The following KCNIP4 variants were observed in gnomAD, a reference collection of about 807,000 sequenced individuals.
KCNIP4 encodes potassium voltage-gated channel interacting protein 4.
KCNIP4 carries 12 observed loss-of-function variants against 34.0 expected under a neutral mutation model. The ratio of observed to expected loss-of-function variants is 0.35; its 90% confidence interval spans 0.23 to 0.57. KCNIP4 has a LOEUF of 0.57. Among genes scored for constraint, KCNIP4 ranks in the 20% least tolerant of loss-of-function variants. KCNIP4 has a pLI of 0.83. For missense variants in KCNIP4, 238 were observed against 311.7 expected, an observed-to-expected ratio of 0.76 and a Z score of 1.78; for synonymous variants, 124 against 102.2, an observed-to-expected ratio of 1.21 and a Z score of -1.29.
chr4:20,967,915 C>T (rs981642999), intron 1 of KCNIP4, among the ~76,000 whole-genome samples: 4 of 152,092 alleles, frequency 2.6e-5, no homozygotes, highest in African/African-American at 7.2e-5. Context: ...GCAACAAAAG[C>T]CACAATAGAC....
Position 21,178,815 on chromosome 4 carries a change from CTTTTT to C in KCNIP4, c.62-296111_62-296107del, listed in dbSNP as rs10611485. On this transcript the variant is annotated intron_variant, in intron 1 of 8. Coordinates refer to ENST00000382152, the MANE Select transcript of KCNIP4 (RefSeq NM_025221.6). ...TAGTTTTCTGTCTTCTAACACCAAACTTTTTTTTTTTTTTTTTTTGTTTTGAGTGT... is the reference window on the plus strand; with the variant it reads ...TAGTTTTCTGTCTTCTAACACCAAACTTTTTTTTTTTTTTGTTTTGAGTGT... Among the ~76,000 whole-genome samples the C allele has an allele frequency of 6.2e-3, 845 of 136,788 alleles. 11 individuals are homozygous for C. The highest frequency in any genetic ancestry group is 0.022 in the African/African-American group (801 of 36,784). 89.7% of individuals were successfully genotyped at this position (136,788 alleles called of 152,430 possible).
At chr4:20,865,380 A>G (rs1032632878) in intron 2 of KCNIP4, among the ~76,000 whole-genome samples, 11 of 152,124 alleles carry the variant, frequency 7.2e-5, no homozygotes, top group Admixed American at 7.2e-4. Flanking sequence ...ACTTTATTTT[A>G]GAAGGTAACA....
At position 21,553,230 on chromosome 4, in the gene KCNIP4, G is replaced by C. The variant is rs1227238404; in HGVS notation, c.61+395341C>G. ...TGTTTATTGCAGAAAGATCAGAAAC[G>C]TTCAAGTGAACCATAGCAAACTTCA... On this transcript the variant is annotated intron_variant, in intron 1 of 8. Transcript: ENST00000382152. Among the ~76,000 whole-genome samples the C allele has an allele frequency of 1.1e-4, 17 of 152,092 alleles. 1 individual carries two copies. Among genetic ancestry groups the C allele is most frequent in the Non-Finnish European group, 1.5e-5 (1 of 68,012 alleles).
chr4:21,109,868 G>C (rs1378573832), intron 1 of KCNIP4, among the ~76,000 whole-genome samples: 1 of 151,884 alleles, frequency 6.6e-6, no homozygotes, highest in Non-Finnish European at 1.5e-5. Flanking sequence ...TTGCTTACTT[G>C]AAACTACTCT....
chr4:20,843,769 C>T (rs1486992788), intron 3 of KCNIP4, among the ~76,000 whole-genome samples: 1 of 152,088 alleles, frequency 6.6e-6, no homozygotes, highest in Non-Finnish European at 1.5e-5. Flanking sequence ...TTGAAAGAAA[C>T]AAATAAATCA....
At chr4:20,847,673 A>G (rs1475899303) in intron 3 of KCNIP4, among the ~76,000 whole-genome samples, 1 of 152,096 alleles carries the variant, frequency 6.6e-6, no homozygotes, top group East Asian at 1.9e-4. Context: ...TATATTAACA[A>G]TCTATGTTGA....
In KCNIP4 at chr4:20,962,479, G is replaced by A. The variant is rs79371136; in HGVS notation, c.62-79770C>T. 1.9e-4 allele frequency among the ~76,000 whole-genome samples: 29 copies of A among 152,238 alleles called. No homozygotes were observed. The East Asian group carries it at 5.0e-3, about 26-fold the overall frequency. On this transcript the variant is annotated intron_variant, in intron 1 of 8. Coordinates refer to ENST00000382152, the MANE Select transcript of KCNIP4 (RefSeq NM_025221.6). ...CTTATTTGTACAGAACTGAGTAGGG[G>A]TAAAGGTGATGTTATTTACTGGCTC...
chr4:21,535,134 A>G (rs1427971613), intron 1 of KCNIP4, among the ~76,000 whole-genome samples: 2 of 152,134 alleles, frequency 1.3e-5, no homozygotes, highest in Non-Finnish European at 2.9e-5. Flanking sequence ...TGCTCTAAAG[A>G]TGAATAAAAT....
At chr4:21,314,378 T>C (rs1021670041) in intron 1 of KCNIP4, among the ~76,000 whole-genome samples, 1 of 152,176 alleles carries the variant, frequency 6.6e-6, no homozygotes, top group African/African-American at 2.4e-5. Flanking sequence ...CAATATCCTA[T>C]CATAGTAACA....
chr4:21,423,397 T>G (rs1452171441), intron 1 of KCNIP4, among the ~76,000 whole-genome samples: 1 of 152,242 alleles, frequency 6.6e-6, no homozygotes, highest in African/African-American at 2.4e-5. Flanking sequence ...AACTTCTAAA[T>G]TTCCATTTTG....
In KCNIP4 at chr4:21,519,785, A is replaced by G. The variant is rs867937459; in HGVS notation, c.61+428786T>C. Among the ~76,000 whole-genome samples, 38 of 128,576 alleles carry G rather than the reference A, an allele frequency of 3.0e-4. 2 individuals carry two copies. The highest frequency in any genetic ancestry group is 5.2e-4 in the South Asian group (2 of 3,824). 84.4% of individuals were successfully genotyped at this position (128,576 alleles called of 152,430 possible). On this transcript the variant is annotated intron_variant, in intron 1 of 8. Transcript: ENST00000382152. ...TATGTGTGTATACACACGTGTGTGT[A>G]TGTGTGTGTATACACGTGTGTGTAT...
intron 1 of KCNIP4, among the ~76,000 whole-genome samples, chr4:21,904,764 C>G (rs1267760764): frequency 2.0e-5 from 3 of 152,110 alleles, no homozygotes; most frequent in Non-Finnish European, 4.4e-5. Context: ...CTTGACAATT[C>G]TATGATATTT....
intron 1 of KCNIP4, among the ~76,000 whole-genome samples, chr4:21,376,822 G>A (rs1247199223): frequency 6.6e-6 from 1 of 152,160 alleles, no homozygotes; most frequent in Admixed American, 6.5e-5. Flanking sequence ...ACAAAACCAT[G>A]ATAAGCAATG....
intron 1 of KCNIP4, among the ~76,000 whole-genome samples, chr4:20,942,249 C>A (rs1219034742): frequency 6.6e-6 from 1 of 152,142 alleles, no homozygotes; most frequent in Non-Finnish European, 1.5e-5. Context: ...ACATGGTGAG[C>A]ACTGGATAAT....
chr4:20,736,765 A>G (rs759539460), intron 5 of KCNIP4, among the ~76,000 whole-genome samples: 1 of 152,222 alleles, frequency 6.6e-6, no homozygotes, highest in African/African-American at 2.4e-5. Flanking sequence ...AAGAATGGCC[A>G]CAGACCTTTT....
At chr4:21,122,797 C>T (rs550875367) in intron 1 of KCNIP4, among the ~76,000 whole-genome samples, 8 of 152,318 alleles carry the variant, frequency 5.3e-5, no homozygotes, top group African/African-American at 1.7e-4. Context: ...AGGATGACAA[C>T]TGAGTCTGGT....
rs1759142653 is a variant in KCNIP4, at chr4:21,234,322, C to T, written c.62-351613G>A. On this transcript the variant is annotated intron_variant, in intron 1 of 8. Coordinates refer to ENST00000382152, the MANE Select transcript of KCNIP4 (RefSeq NM_025221.6). ...TATAACATATATAACATATATATAA[C>T]ATATATAAATTATATATAACATACA... is the stretch of plus-strand genomic sequence containing the variant. 4.1e-5 allele frequency among the ~76,000 whole-genome samples: 3 copies of T among 73,606 alleles called. No homozygotes were observed. The South Asian group carries it at 1.2e-3, about 31-fold the overall frequency. 48.3% of individuals were successfully genotyped at this position (73,606 alleles called of 152,430 possible). A position where few individuals can be genotyped will look rare whatever the true frequency, so the allele number is the denominator to read the frequency against.
intron 1 of KCNIP4, among the ~76,000 whole-genome samples, chr4:21,540,392 T>C (rs1443377090): frequency 6.6e-6 from 1 of 152,164 alleles, no homozygotes; most frequent in East Asian, 1.9e-4. Flanking sequence ...AACAGTTTTC[T>C]AACAGTGAGC....
chr4:21,343,011 C>T (rs80258914), intron 1 of KCNIP4, among the ~76,000 whole-genome samples: 3,868 of 152,148 alleles, frequency 0.025, 197 homozygotes, highest in East Asian at 0.19. Context: ...CCAAGGACTA[C>T]TTCCTGCTCT....
Sources: allele counts gnomAD v4.1 joint callset (sites outside exome capture counted in the v4.1 genomes callset), GRCh38; gene constraint gnomAD v4.1.1; transcripts MANE v1.5; gene names NCBI Gene and HGNC (gene_info 2026-07-23, HGNC 2026-07-21).